Variants in GPR143 observed in about 807,000 individuals in gnomAD.
GPR143 encodes G protein-coupled receptor 143.
Under a neutral mutation model 27.6 loss-of-function variants are expected in GPR143, and 8 were observed. The ratio of observed to expected loss-of-function variants is 0.29; its 90% CI spans 0.17 to 0.52. The LOEUF is 0.52. Ranked by LOEUF, GPR143 falls within the 20% of genes least tolerant of loss-of-function variation. The pLI is 0.96. For missense variants in GPR143, 303 were observed against 343.1 expected, an observed-to-expected ratio of 0.88 and a Z score of 0.92; for synonymous variants, 156 against 153.2, an observed-to-expected ratio of 1.02 and a Z score of -0.13.
At chrX:9,741,706 G>A (rs2083405149) in intron 6 of GPR143, among the ~76,000 whole-genome samples, 1 of 110,804 alleles carries the variant, frequency 9.0e-6, no homozygotes, top group African/African-American at 3.3e-5. Context: ...GGGCAACACA[G>A]TGAAATTTGT....
chrX:9,733,237 G>A (rs1261646086), intron 8 of GPR143, among the ~76,000 whole-genome samples: 10 of 111,487 alleles, frequency 9.0e-5, no homozygotes, highest in Non-Finnish European at 1.3e-4. Flanking sequence ...ATAGAAAATT[G>A]TGAAGCCGTA....
At chrX:9,754,881 A>G (rs749789141) in intron 3 of GPR143, among the ~76,000 whole-genome samples, 1 of 111,595 alleles carries the variant, frequency 9.0e-6, no homozygotes, top group African/African-American at 3.3e-5. Flanking sequence ...TCTTCTACCC[A>G]TAACTGGCAT....
At chrX:9,775,816 G>T (rs932141313) in intron 1 of GPR143, among the ~76,000 whole-genome samples, 2 of 112,264 alleles carry the variant, frequency 1.8e-5, no homozygotes, top group African/African-American at 6.5e-5. Context: ...TGGTTTCAAG[G>T]AAGTGTGTGT....
At chrX:9,766,543 T>C (rs2083534132), upstream of GPR143, among the ~76,000 whole-genome samples, 1 of 111,652 alleles carries the variant, frequency 9.0e-6, no homozygotes, top group Admixed American at 9.6e-5. Context: ...GTGGGCAACA[T>C]GGCGAAACCC....
chrX:9,762,715 T>C (rs187335622), intron 1 of GPR143, among the ~76,000 whole-genome samples: 74 of 111,807 alleles, frequency 6.6e-4, no homozygotes, highest in African/African-American at 2.3e-3. Context: ...ACAAAAACAA[T>C]GCCTTTCTTC....
chrX:9,752,931 G>C lies in GPR143; in HGVS notation c.456-4265C>G, dbSNP rs966938035. 1.1e-4 allele frequency among the ~76,000 whole-genome samples: 12 copies of C among 111,209 alleles called. No homozygotes were observed. In the Admixed American group the frequency reaches 1.1e-3, roughly 11 times the overall value. On this transcript the variant is annotated intron_variant, in intron 3 of 8. Coordinates refer to ENST00000467482, the MANE Select transcript of GPR143 (RefSeq NM_000273.3). Reference sequence around the variant, plus strand: ...GGCGTGGCTGGAGTGGGGAGGGTGAGAGACGACAGAGGGAGCGCCGTGTGT... The same window carrying C: ...GGCGTGGCTGGAGTGGGGAGGGTGACAGACGACAGAGGGAGCGCCGTGTGT...
chrX:9,744,274 T>C (rs1242578460), intron 5 of GPR143, among the ~76,000 whole-genome samples: 1 of 111,770 alleles, frequency 8.9e-6, no homozygotes, highest in African/African-American at 3.3e-5. Flanking sequence ...GAGGCAGAGA[T>C]TGCAGTGAGG....
chrX:9,752,900 G>C (rs1449365166), intron 3 of GPR143, among the ~76,000 whole-genome samples: 1 of 110,938 alleles, frequency 9.0e-6, no homozygotes, highest in East Asian at 2.8e-4. Flanking sequence ...TAGAAGCTGG[G>C]AGCTGGGCGT....
intron 3 of GPR143, among the ~76,000 whole-genome samples, chrX:9,759,032 G>A (rs926136323): frequency 1.3e-4 from 15 of 111,605 alleles, no homozygotes; most frequent in African/African-American, 4.9e-4. Context: ...TTATTTTGGA[G>A]ATGGACTCTC....
chrX:9,762,813 T>C (rs920997656), intron 1 of GPR143, among the ~76,000 whole-genome samples: 3 of 111,814 alleles, frequency 2.7e-5, no homozygotes, highest in African/African-American at 9.8e-5. Context: ...TTCTTATTTT[T>C]CAGTAAGGGG....
chrX:9,738,022 TCA>T (rs2083386335), intron 8 of GPR143, among the ~76,000 whole-genome samples: 1 of 111,725 alleles, frequency 9.0e-6, no homozygotes, highest in African/African-American at 3.3e-5. Context: ...CAGGGAGCCC[TCA>T]CAGAGAGCAG....
At chrX:9,772,813 CAAAAAA>C (rs57110568) in intron 1 of GPR143, among the ~76,000 whole-genome samples, 1 of 49,792 alleles carries the variant, frequency 2.0e-5, no homozygotes, top group East Asian at 9.1e-4. Context: ...GATCCTGTCT[CAAAAAA>C]AAAAAAAAAA....
intron 3 of GPR143, among the ~76,000 whole-genome samples, chrX:9,755,095 T>C (rs577506359): frequency 2.4e-4 from 27 of 111,935 alleles, no homozygotes; most frequent in African/African-American, 8.7e-4. Flanking sequence ...GTCTATTTCC[T>C]ACCTCCTTTA....
chrX:9,743,748 C>T, intron 5 of GPR143, 75 bp from the exon 6 acceptor site: 1 of 648,776 alleles, frequency 1.5e-6, no homozygotes, highest in Non-Finnish European at 2.6e-6. Flanking sequence ...GCAATGGAAG[C>T]AGGTGTGAGC....
intron 2 of GPR143, among the ~76,000 whole-genome samples, 169 bp downstream of exon 2, chrX:9,760,548 C>A (rs187110567): frequency 1.8e-5 from 2 of 111,314 alleles, no homozygotes; most frequent in Admixed American, 1.9e-4. Context: ...AGTGTCTGGG[C>A]AGCATCCCCT....
rs2083472102 is a variant in GPR143 at position 9,755,836 on chromosome X, TTA to T, written c.455+3494_455+3495del. ...CTCTACCTTGTTTAAGTCATTATTA[TTA>T]TATATATTTTATGTAGCCAAAATGA... On this transcript the variant is annotated intron_variant, in intron 3 of 8. Coordinates refer to ENST00000467482, the MANE Select transcript of GPR143 (RefSeq NM_000273.3). Among the ~76,000 whole-genome samples, 3 of 112,109 alleles carry T rather than the reference TTA, an allele frequency of 2.7e-5. No individual in the cohort carries two copies. In the Middle Eastern group the frequency reaches 0.014, roughly 512 times the overall value.
At chrX:9,748,303 C>G (rs903158593) in intron 4 of GPR143, among the ~76,000 whole-genome samples, 4 of 112,651 alleles carry the variant, frequency 3.6e-5, no homozygotes, top group Non-Finnish European at 7.5e-5. Flanking sequence ...GGGAAATATG[C>G]GGAAAGCTTT....
chrX:9,774,851 T>A (rs971427714), intron 1 of GPR143, among the ~76,000 whole-genome samples: 6 of 110,676 alleles, frequency 5.4e-5, no homozygotes, highest in Admixed American at 9.6e-5. Context: ...GGATTTTTTT[T>A]AATTGTTTTT....
At chrX:9,764,495 TACACACGCGCACACAC>T (rs2083517743) in intron 1 of GPR143, among the ~76,000 whole-genome samples, 1 of 71,881 alleles carries the variant, frequency 1.4e-5, no homozygotes, top group Non-Finnish European at 2.5e-5. Flanking sequence ...GAAAAGAATT[TACACACGCGCACACAC>T]ACACACACAC....
Sources: allele counts gnomAD v4.1 joint callset (sites outside exome capture counted in the v4.1 genomes callset), GRCh38; gene constraint gnomAD v4.1.1; transcripts MANE v1.5; gene names NCBI Gene and HGNC (gene_info 2026-07-23, HGNC 2026-07-21).